The following MECOM variants were observed in gnomAD, a reference collection of about 807,000 sequenced individuals.
MECOM encodes the protein histone-lysine N-methyltransferase MECOM.
MECOM carries 13 observed loss-of-function variants against 116.3 expected under a neutral mutation model. That is an observed-to-expected ratio of 0.11 (90% CI 0.07 to 0.18). MECOM has a LOEUF of 0.18. Ranked by LOEUF, MECOM falls within the 10% of genes least tolerant of loss-of-function variation. The probability of loss-of-function intolerance (pLI) is 1.00; values close to 1 mark genes in which losing one functional copy is unlikely to be tolerated. For missense variants in MECOM, 1,299 were observed against 1,509.0 expected, an observed-to-expected ratio of 0.86 and a Z score of 2.31; for synonymous variants, 528 against 535.2, an observed-to-expected ratio of 0.99 and a Z score of 0.19.
At chr3:169,599,635 T>C (rs1193199312) in intron 1 of MECOM, among the ~76,000 whole-genome samples, 1 of 152,190 alleles carries the variant, frequency 6.6e-6, no homozygotes, top group African/African-American at 2.4e-5. Flanking sequence ...TGTGAAGATG[T>C]TCCATTGTAC....
At chr3:169,230,153 C>T (rs1199695823) in intron 2 of MECOM, among the ~76,000 whole-genome samples, 1 of 152,126 alleles carries the variant, frequency 6.6e-6, no homozygotes, top group Non-Finnish European at 1.5e-5. Flanking sequence ...GCCACTAACT[C>T]CTATGTTCAC....
chr3:169,161,564 G>A (rs959173670), intron 2 of MECOM, among the ~76,000 whole-genome samples: 4 of 152,220 alleles, frequency 2.6e-5, no homozygotes, highest in Middle Eastern at 3.4e-3. Context: ...CAGGTACCAC[G>A]TTGATGGTAA....
At chr3:169,245,755 T>C (rs1755508614) in intron 2 of MECOM, among the ~76,000 whole-genome samples, 1 of 152,180 alleles carries the variant, frequency 6.6e-6, no homozygotes, top group African/African-American at 2.4e-5. Flanking sequence ...GTACAGAGCA[T>C]TGAGTCTTGC....
chr3:169,145,452 T>C (rs1739577875), intron 2 of MECOM: 2 of 233,766 alleles, frequency 8.6e-6, no homozygotes, highest in Non-Finnish European at 1.7e-5. Flanking sequence ...TGGAGTTTGT[T>C]GCTGGGTTTT....
intron 2 of MECOM, among the ~76,000 whole-genome samples, chr3:169,366,105 C>T (rs1729119481): frequency 6.6e-6 from 1 of 151,956 alleles, no homozygotes; most frequent in African/African-American, 2.4e-5. Flanking sequence ...TAGCTAATCT[C>T]TCCCCACCCT....
chr3:169,421,023 G>A (rs373686366), intron 1 of MECOM, among the ~76,000 whole-genome samples: 13 of 152,170 alleles, frequency 8.5e-5, no homozygotes, highest in East Asian at 7.7e-4. Flanking sequence ...ACAGTGTACT[G>A]TATTTTTCTT....
At position 169,084,895 on chromosome 3, in the gene MECOM, C is replaced by T. The variant is rs1379071854; in HGVS notation, c.*14G>A. ...CTGTTGGACTTGGTCCCACTCTGGT[C>T]AACCTTGATAACGTCATACGTGGCT... On this transcript the variant is annotated 3_prime_UTR_variant, in exon 17 of 17. Coordinates refer to ENST00000651503, the MANE Select transcript of MECOM (RefSeq NM_004991.4). 1.2e-6 allele frequency: 2 copies of T among 1,613,908 alleles called. No individual in the cohort carries two copies. The highest frequency in any genetic ancestry group is 2.2e-5 in the South Asian group (2 of 91,014).
intron 2 of MECOM, among the ~76,000 whole-genome samples, chr3:169,350,074 C>T (rs774040449): frequency 6.6e-6 from 1 of 151,786 alleles, no homozygotes; most frequent in African/African-American, 2.4e-5. Flanking sequence ...AATCCTTTAC[C>T]TGAGTGGTAT....
intron 10 of MECOM, among the ~76,000 whole-genome samples, chr3:169,105,658 T>C (rs991380011): frequency 2.0e-5 from 3 of 152,044 alleles, no homozygotes; most frequent in Non-Finnish European, 4.4e-5. Flanking sequence ...ATTAATGTCA[T>C]AGGCTAATCT....
chr3:169,149,362 G>C (rs1740756386), intron 2 of MECOM: 1 of 174,254 alleles, frequency 5.7e-6, no homozygotes, highest in African/African-American at 2.4e-5. Context: ...ATCATTGGCA[G>C]GTCCTGGCTA....
At chr3:169,637,900 C>T (rs924141343) in intron 1 of MECOM, among the ~76,000 whole-genome samples, 2 of 152,128 alleles carry the variant, frequency 1.3e-5, no homozygotes, top group East Asian at 3.8e-4. Context: ...GGAGACATAA[C>T]CTTTGAGCAA....
At chr3:169,136,061 T>C (rs1736266163) in intron 3 of MECOM, among the ~76,000 whole-genome samples, 1 of 151,722 alleles carries the variant, frequency 6.6e-6, no homozygotes, top group Admixed American at 6.6e-5. Context: ...AGAATTATTA[T>C]AATTAATTTA....
intron 2 of MECOM, among the ~76,000 whole-genome samples, chr3:169,297,648 T>G (rs79924000): frequency 6.7e-6 from 1 of 149,930 alleles, no homozygotes; most frequent in African/African-American, 2.5e-5. Flanking sequence ...AATATTATTT[T>G]AAAAAAAATC....
At chr3:169,626,468 A>G (rs991162123) in intron 1 of MECOM, among the ~76,000 whole-genome samples, 1 of 152,162 alleles carries the variant, frequency 6.6e-6, no homozygotes, top group African/African-American at 2.4e-5. Context: ...AGGAAATGTC[A>G]CATCTGTAAC....
intron 1 of MECOM, among the ~76,000 whole-genome samples, chr3:169,449,791 G>A (rs1266724218): frequency 6.6e-6 from 1 of 152,144 alleles, no homozygotes; most frequent in Non-Finnish European, 1.5e-5. Flanking sequence ...GAAACCATCA[G>A]CTGTAATTGG....
chr3:169,510,783 C>G (rs1463412669), intron 1 of MECOM, among the ~76,000 whole-genome samples: 1 of 152,162 alleles, frequency 6.6e-6, no homozygotes, highest in Non-Finnish European at 1.5e-5. Context: ...TCTGCGGACA[C>G]ATTTTCATCC....
intron 2 of MECOM, among the ~76,000 whole-genome samples, chr3:169,156,065 C>A (rs1741923904): frequency 6.6e-6 from 1 of 152,182 alleles, no homozygotes; most frequent in African/African-American, 2.4e-5. Context: ...ACATCCTTCA[C>A]ACCAGCATTT....
intron 1 of MECOM, among the ~76,000 whole-genome samples, chr3:169,661,227 C>G (rs1244333003): frequency 6.6e-6 from 1 of 152,074 alleles, no homozygotes; most frequent in East Asian, 1.9e-4. Flanking sequence ...CGGCGCGAAG[C>G]CTTAAGCTTT....
chr3:169,421,967 A>G (rs1330624418), intron 1 of MECOM, among the ~76,000 whole-genome samples: 1 of 152,172 alleles, frequency 6.6e-6, no homozygotes, highest in Non-Finnish European at 1.5e-5. Context: ...AACTTTCTGT[A>G]AAGAACCTGG....
Sources: gnomAD v4.1 joint callset for allele counts (sites outside exome capture counted in the v4.1 genomes callset) on GRCh38, gnomAD v4.1.1 for gene constraint, MANE v1.5 for transcripts, NCBI Gene and HGNC (gene_info 2026-07-23, HGNC 2026-07-21) for gene names.